Variants in LMAN1 observed in about 807,000 individuals in gnomAD.
The protein encoded by LMAN1 is lectin, mannose binding 1.
A neutral mutation model predicts 67.8 loss-of-function variants in LMAN1; 32 were observed. That is an observed-to-expected ratio of 0.47 (90% confidence interval 0.36 to 0.63). The LOEUF is 0.63. LMAN1 is among the 30% of genes least tolerant of loss of function. The pLI, the probability that LMAN1 is intolerant of heterozygous loss-of-function variation, is 0.00. For synonymous variants in LMAN1, 235 were observed against 219.3 expected (o/e 1.07, Z -0.63); for missense variants, 632 against 628.2 (o/e 1.01, Z -0.06).
At chr18:59,358,240 A>G (rs916387043) in intron 1 of LMAN1, among the ~76,000 whole-genome samples, 2 of 152,252 alleles carry the variant, frequency 1.3e-5, no homozygotes, top group Non-Finnish European at 2.9e-5. Flanking sequence ...AGTGAATAAA[A>G]TATGAACCCA....
At chr18:59,344,283 C>A (rs944567734) in intron 8 of LMAN1, among the ~76,000 whole-genome samples, 2 of 152,146 alleles carry the variant, frequency 1.3e-5, no homozygotes, top group African/African-American at 4.8e-5. Context: ...AGCAATCCCA[C>A]TACTGGGTGT....
At chr18:59,350,466 T>A (rs17769323) in intron 5 of LMAN1, among the ~76,000 whole-genome samples, 20,791 of 152,120 alleles carry the variant, frequency 0.14, 1,603 homozygotes, top group Non-Finnish European at 0.18. Flanking sequence ...CCAGCATGAG[T>A]CTTCATTGTC....
chr18:59,357,552 AC>A (rs1359962671), intron 1 of LMAN1, among the ~76,000 whole-genome samples: 55 of 152,358 alleles, frequency 3.6e-4, no homozygotes. Context: ...TACCTTGATA[AC>A]AAATGCCCAG....
chr18:59,334,562 AAGAAT>A (rs1908100649), intron 10 of LMAN1, among the ~76,000 whole-genome samples: 1 of 152,226 alleles, frequency 6.6e-6, no homozygotes, highest in African/African-American at 2.4e-5. Flanking sequence ...AACGCTTGAA[AAGAAT>A]ACCTTTTAAG....
intron 4 of LMAN1, 65 bp downstream of exon 4, chr18:59,354,454 A>G (rs113707118): frequency 1.6e-5 from 14 of 884,680 alleles, no homozygotes; most frequent in Middle Eastern, 2.2e-4. Context: ...ATTTGAAACA[A>G]TGTATTTCAT....
chr18:59,351,540 C>A (rs565775012), intron 5 of LMAN1: 1 of 152,106 alleles, frequency 6.6e-6, no homozygotes, highest in Non-Finnish European at 1.5e-5. Flanking sequence ...AAAAAAATTC[C>A]ATAGTTAAGT....
intron 10 of LMAN1, among the ~76,000 whole-genome samples, chr18:59,335,856 T>C (rs1373305148): frequency 6.6e-6 from 1 of 152,226 alleles, no homozygotes; most frequent in African/African-American, 2.4e-5. Context: ...TGTCAGTAAA[T>C]GTCTTTCTCA....
intron 5 of LMAN1, chr18:59,352,929 A>T: frequency 2.6e-6 from 1 of 386,350 alleles, no homozygotes; most frequent in South Asian, 2.2e-5. Flanking sequence ...CTACCTATCT[A>T]TCTATCTATC....
chr18:59,331,347 T>C (rs1198335559), intron 12 of LMAN1, 71 bp downstream of exon 12: 1 of 1,432,960 alleles, frequency 7.0e-7, no homozygotes, highest in Non-Finnish European at 9.8e-7. Flanking sequence ...TGAACATAGA[T>C]AACTTAGTTG....
At chr18:59,338,734 C>T (rs1459772733) in intron 9 of LMAN1, 26 bp downstream of exon 9, 1 of 1,612,862 alleles carries the variant, frequency 6.2e-7, no homozygotes, top group Non-Finnish European at 8.5e-7. Flanking sequence ...GTAAATGGGG[C>T]ACATCTGCAT....
intron 8 of LMAN1, among the ~76,000 whole-genome samples, chr18:59,344,751 C>T (rs988196484): frequency 2.0e-5 from 3 of 152,062 alleles, no homozygotes; most frequent in African/African-American, 7.3e-5. Context: ...CACTATATGA[C>T]ACAAGCATAT....
At chr18:59,331,732 C>A in intron 11 of LMAN1, 193 bp from the exon 12 acceptor site, 1 of 566,360 alleles carries the variant, frequency 1.8e-6, no homozygotes, top group Non-Finnish European at 3.1e-6. Flanking sequence ...TGGAAGGCCT[C>A]CACCTTTTTA....
chr18:59,342,848 G>A (rs868337049), intron 8 of LMAN1, among the ~76,000 whole-genome samples: 3 of 152,000 alleles, frequency 2.0e-5, no homozygotes, highest in Non-Finnish European at 2.9e-5. Flanking sequence ...AACTGGAAAT[G>A]AGTAAGTAAC....
intron 8 of LMAN1, among the ~76,000 whole-genome samples, chr18:59,343,854 C>A (rs1221830984): frequency 6.6e-6 from 1 of 151,830 alleles, no homozygotes; most frequent in Non-Finnish European, 1.5e-5. Flanking sequence ...ACACAATAAT[C>A]TAACCTACAG....
rs2070743936 is a variant in LMAN1, at chr18:59,331,023, AAAT to A, written c.*67_*69del. ...AATAATTTAGACTATGAAGCAATTTAAATACTTAAATTCCCTCAAAACGACATC... is the reference window on the plus strand; with the variant it reads ...AATAATTTAGACTATGAAGCAATTTAACTTAAATTCCCTCAAAACGACATC... On this transcript the variant is annotated 3_prime_UTR_variant, in exon 13 of 13. Transcript: ENST00000251047. 9.8e-7 allele frequency: 1 copy of A among 1,021,102 alleles called. No individual in the cohort carries two copies. Among genetic ancestry groups the A allele is most frequent in the Non-Finnish European group, 1.5e-6 (1 of 656,152 alleles). 63.3% of individuals were successfully genotyped at this position (1,021,102 alleles called of 1,614,324 possible). A position where few individuals can be genotyped will look rare whatever the true frequency, so the allele number is the denominator to read the frequency against.
chr18:59,335,944 T>C (rs918818581), intron 10 of LMAN1, among the ~76,000 whole-genome samples: 1 of 152,200 alleles, frequency 6.6e-6, no homozygotes, highest in East Asian at 1.9e-4. Context: ...TAAGTAAATA[T>C]GTTATAGATA....
Position 59,331,027 on chromosome 18 carries a change from ACTTAAATTCC to A in LMAN1, c.*56_*65del. 1 of 1,061,488 alleles carries A rather than the reference ACTTAAATTCC, an allele frequency of 9.4e-7. No individual in the cohort carries two copies. Among genetic ancestry groups the A allele is most frequent in the East Asian group, 2.4e-5 (1 of 42,156 alleles). The allele number at this position is 1,061,488 out of a possible 1,614,324, so 65.8% of individuals were successfully genotyped here. On this transcript the variant is annotated 3_prime_UTR_variant, in exon 13 of 13. Coordinates refer to ENST00000251047, the MANE Select transcript of LMAN1 (RefSeq NM_005570.4). The stretch of plus-strand genomic sequence containing the variant: ...ATTTAGACTATGAAGCAATTTAAAT[ACTTAAATTCC>A]CTCAAAACGACATCATTTTGTACAC...
chr18:59,338,682 T>C, intron 9 of LMAN1, 55 bp from the exon 10 acceptor site: 6 of 1,602,720 alleles, frequency 3.7e-6, no homozygotes, highest in Middle Eastern at 1.7e-4. Flanking sequence ...TATGAGCACA[T>C]AGTACAGTTG....
chr18:59,341,107 G>T (rs2144217736), intron 8 of LMAN1, among the ~76,000 whole-genome samples: 1 of 151,962 alleles, frequency 6.6e-6, no homozygotes, highest in East Asian at 1.9e-4. Context: ...AAAAAGAAAA[G>T]ACAAAGAAGG....
Sources: allele counts gnomAD v4.1 joint callset (sites outside exome capture counted in the v4.1 genomes callset), GRCh38; gene constraint gnomAD v4.1.1; transcripts MANE v1.5; gene names NCBI Gene and HGNC (gene_info 2026-07-23, HGNC 2026-07-21).